Variants in KCNMA1 observed in about 807,000 individuals in gnomAD.
The protein encoded by KCNMA1 is Calcium-activated potassium channel subunit alpha-1.
KCNMA1 carries 29 observed loss-of-function variants against 140.0 expected under a neutral mutation model. The observed-to-expected ratio is 0.21, with a 90% confidence interval of 0.15 to 0.28. The LOEUF is 0.28. Among genes scored for constraint, KCNMA1 ranks in the 10% least tolerant of loss-of-function variants. The pLI is 1.00. For missense variants in KCNMA1, 880 were observed against 1,602.2 expected (o/e 0.55, Z 7.70); for synonymous variants, 612 against 611.9 (o/e 1.00, Z 0.00).
At chr10:77,189,648 C>T (rs1311282243) in intron 3 of KCNMA1, among the ~76,000 whole-genome samples, 1 of 152,122 alleles carries the variant, frequency 6.6e-6, no homozygotes, top group Non-Finnish European at 1.5e-5. Context: ...ACGGGACTGG[C>T]TGAGGAACAA....
chr10:76,951,534 C>T (rs1364198124), intron 21 of KCNMA1, among the ~76,000 whole-genome samples: 1 of 152,170 alleles, frequency 6.6e-6, no homozygotes, highest in East Asian at 1.9e-4. Flanking sequence ...TATATCTTCT[C>T]TCTAATTAAT....
intron 7 of KCNMA1, among the ~76,000 whole-genome samples, chr10:77,110,762 T>C (rs1160384643): frequency 6.6e-6 from 1 of 152,206 alleles, no homozygotes; most frequent in Non-Finnish European, 1.5e-5. Context: ...ATGGCCTGGA[T>C]CTGCCTCTCC....
chr10:77,464,050 G>C (rs1044453371), intron 1 of KCNMA1, among the ~76,000 whole-genome samples: 6 of 152,186 alleles, frequency 3.9e-5, no homozygotes, highest in African/African-American at 1.4e-4. Flanking sequence ...ATTGCCACAA[G>C]ATCCTCAGAT....
chr10:77,495,297 G>A (rs1258557031), intron 1 of KCNMA1, among the ~76,000 whole-genome samples: 1 of 152,116 alleles, frequency 6.6e-6, no homozygotes, highest in Non-Finnish European at 1.5e-5. Context: ...GTGGCCTCCC[G>A]CCTGCACTGC....
chr10:76,893,830 A>C (rs2041300821), intron 25 of KCNMA1, among the ~76,000 whole-genome samples: 2 of 152,204 alleles, frequency 1.3e-5, no homozygotes, highest in Admixed American at 1.3e-4. Flanking sequence ...TACTGAAAGA[A>C]ATTAAAGAAG....
chr10:77,196,335 T>C (rs1227939156), intron 3 of KCNMA1, among the ~76,000 whole-genome samples: 2 of 152,138 alleles, frequency 1.3e-5, no homozygotes, highest in Non-Finnish European at 2.9e-5. Context: ...TACTGAAGAA[T>C]CTCACAAAAG....
intron 2 of KCNMA1, among the ~76,000 whole-genome samples, chr10:77,378,180 G>A (rs111764389): frequency 0.026 from 3,950 of 152,188 alleles, 160 homozygotes; most frequent in African/African-American, 0.09. Context: ...CCACCGAGCC[G>A]ACAGGCCATG....
At chr10:77,046,155 A>T (rs2095042404) in intron 14 of KCNMA1, among the ~76,000 whole-genome samples, 1 of 152,232 alleles carries the variant, frequency 6.6e-6, no homozygotes, top group Non-Finnish European at 1.5e-5. Context: ...TATTTTTAAA[A>T]AGTCTATCTG....
intron 21 of KCNMA1, chr10:76,952,126 C>G: frequency 6.4e-7 from 1 of 1,551,964 alleles, no homozygotes; most frequent in South Asian, 1.2e-5. Flanking sequence ...GTCATTAAAA[C>G]CCTAGGTCCC....
At chr10:77,395,853 C>G (rs1483643101) in intron 2 of KCNMA1, among the ~76,000 whole-genome samples, 1 of 152,212 alleles carries the variant, frequency 6.6e-6, no homozygotes, top group East Asian at 1.9e-4. Flanking sequence ...TCAATTATTT[C>G]TCTGACTCAT....
chr10:77,164,363 C>G (rs2098608573), intron 5 of KCNMA1, among the ~76,000 whole-genome samples: 1 of 152,166 alleles, frequency 6.6e-6, no homozygotes, highest in South Asian at 2.1e-4. Context: ...ACCTTGACTT[C>G]ATAAATTGGC....
At chr10:76,903,538 A>G (rs1037430769) in intron 25 of KCNMA1, 3 of 152,148 alleles carry the variant, frequency 2.0e-5, no homozygotes, top group Non-Finnish European at 2.9e-5. Flanking sequence ...CTAGCAGGAC[A>G]TACCTCCATG....
intron 1 of KCNMA1, among the ~76,000 whole-genome samples, chr10:77,448,186 T>C (rs891555958): frequency 3.3e-5 from 5 of 152,186 alleles, no homozygotes; most frequent in Non-Finnish European, 7.3e-5. Context: ...AGGACACCCG[T>C]TGAAGCTCGG....
chr10:77,345,961 T>C (rs1331977851), intron 2 of KCNMA1, among the ~76,000 whole-genome samples: 1 of 152,198 alleles, frequency 6.6e-6, no homozygotes, highest in Non-Finnish European at 1.5e-5. Context: ...CCTTGAGCCA[T>C]CCAAGTCTCA....
intron 19 of KCNMA1, among the ~76,000 whole-genome samples, chr10:76,987,971 G>T (rs2081740660): frequency 6.6e-6 from 1 of 152,200 alleles, no homozygotes; most frequent in African/African-American, 2.4e-5. Flanking sequence ...CTAATTGAAA[G>T]GTTGAAGGGC....
intron 2 of KCNMA1, among the ~76,000 whole-genome samples, chr10:77,333,396 G>GAAAGAAAAGA (rs147337166): frequency 7.0e-6 from 1 of 142,988 alleles, no homozygotes; most frequent in African/African-American, 2.6e-5. Flanking sequence ...AAGAAAGAAA[G>GAAAGAAAAGA]AAAGAAAAGA....
chr10:77,466,048 C>T (rs754511173), intron 1 of KCNMA1, among the ~76,000 whole-genome samples: 1 of 152,148 alleles, frequency 6.6e-6, no homozygotes, highest in African/African-American at 2.4e-5. Flanking sequence ...AAGGGCATAC[C>T]CTTGGCGGGA....
chr10:77,335,086 T>A (rs2088333699), intron 2 of KCNMA1, among the ~76,000 whole-genome samples: 1 of 151,896 alleles, frequency 6.6e-6, no homozygotes, highest in Non-Finnish European at 1.5e-5. Context: ...GGCACAGGAG[T>A]GTGGAGAAGG....
chr10:77,552,390 C>G (rs1390796421), intron 1 of KCNMA1, among the ~76,000 whole-genome samples: 7 of 152,146 alleles, frequency 4.6e-5, no homozygotes. Context: ...CATATGAAAA[C>G]AGGAACAAGA....
Sources: allele counts gnomAD v4.1 joint callset (sites outside exome capture counted in the v4.1 genomes callset), GRCh38; gene constraint gnomAD v4.1.1; transcripts MANE v1.5; gene names NCBI Gene and HGNC (gene_info 2026-07-23, HGNC 2026-07-21).